Variants in CDC42BPA observed in about 807,000 individuals in gnomAD.
The protein encoded by CDC42BPA is CDC42 binding protein kinase alpha, also known as serine/threonine-protein kinase MRCK alpha.
In CDC42BPA, 80 loss-of-function variants were observed where a neutral mutation model predicts 223.5. The ratio of observed to expected loss-of-function variants is 0.36; its 90% CI spans 0.30 to 0.43. CDC42BPA has a LOEUF of 0.43. CDC42BPA is among the 20% of genes least tolerant of loss of function. The pLI is 1.00. For synonymous variants in CDC42BPA, 694 were observed against 718.6 expected, an observed-to-expected ratio of 0.97 and a Z score of 0.55; for missense variants, 1,743 against 2,099.9, an observed-to-expected ratio of 0.83 and a Z score of 3.32.
intron 1 of CDC42BPA, among the ~76,000 whole-genome samples, chr1:227,292,750 A>T (rs2148664778): frequency 6.6e-6 from 1 of 152,306 alleles, no homozygotes. Context: ...CCTACCTTCC[A>T]CAACTATACA....
At chr1:227,095,353 C>A (rs961422158) in intron 15 of CDC42BPA, among the ~76,000 whole-genome samples, 7 of 151,982 alleles carry the variant, frequency 4.6e-5, no homozygotes, top group African/African-American at 1.7e-4. Flanking sequence ...AAAATGATTC[C>A]TTGTTCTCAA....
intron 6 of CDC42BPA, among the ~76,000 whole-genome samples, chr1:227,151,787 C>G (rs2149724460): frequency 6.8e-6 from 1 of 147,492 alleles, no homozygotes; most frequent in African/African-American, 2.5e-5. Context: ...ATTTAAGTTC[C>G]TTGTCCCAGC....
At chr1:227,019,594 ATG>A (rs553350421) in intron 32 of CDC42BPA, among the ~76,000 whole-genome samples, 46 of 152,332 alleles carry the variant, frequency 3.0e-4, no homozygotes, top group African/African-American at 1.1e-3. Flanking sequence ...GCCTTATGAA[ATG>A]TGTTTCTTAA....
At chr1:227,175,989 T>C (rs561995256) in intron 5 of CDC42BPA, among the ~76,000 whole-genome samples, 4 of 152,280 alleles carry the variant, frequency 2.6e-5, no homozygotes, top group African/African-American at 9.6e-5. Context: ...CTGCAGAAGT[T>C]CATACTGACA....
intron 1 of CDC42BPA, among the ~76,000 whole-genome samples, chr1:227,299,502 T>TA (rs1558988536): frequency 6.6e-6 from 1 of 152,202 alleles, no homozygotes; most frequent in African/African-American, 2.4e-5. Flanking sequence ...TAAACTGTCA[T>TA]AAATATTTCA....
In CDC42BPA at chr1:227,139,618, G is replaced by A. The variant is rs1326482468; in HGVS notation, c.1348C>T (p.Arg450Cys). The part of the protein sequence containing the change: ...ATEAYERRIK[R>C]LEQEKLELSR... The stretch of plus-strand genomic sequence containing the variant: ...AGTTCAAGTTTTTCTTGCTCAAGGC[G>A]CTTAATTCTTCTTTCATAAGCTTCA... Residue 450 changes from arginine to cysteine, a missense_variant, in exon 10 of 37, where the codon CGC becomes TGC. Arg to Cys is a radical substitution (Grantham distance 180, BLOSUM62 -3). This residue lies in a region of CDC42BPA where 464 missense variants were observed against 488.0 expected (regional missense o/e 0.95). Transcript: ENST00000366766. The A allele has an allele frequency of 4.4e-6, 7 of 1,607,682 alleles. No individual in the cohort carries two copies. Among genetic ancestry groups the A allele is most frequent in the Non-Finnish European group, 5.9e-6 (7 of 1,177,726 alleles).
intron 1 of CDC42BPA, among the ~76,000 whole-genome samples, chr1:227,305,120 G>T (rs151174447): frequency 2.6e-5 from 4 of 152,288 alleles, no homozygotes; most frequent in African/African-American, 9.6e-5. Context: ...TTAGGTAGAA[G>T]AATGCAGAAA....
At chr1:227,268,769 T>A (rs1685497671) in intron 1 of CDC42BPA, among the ~76,000 whole-genome samples, 1 of 151,462 alleles carries the variant, frequency 6.6e-6, no homozygotes, top group Non-Finnish European at 1.5e-5. Context: ...CACTGCAGCC[T>A]CAACCTCCTG....
At position 227,035,499 on chromosome 1, in the gene CDC42BPA, A is replaced by C. The variant is rs200344808; in HGVS notation, c.3308T>G (p.Ile1103Arg). Residue 1103 changes from isoleucine (I) to arginine (R), a missense_variant, in exon 25 of 37, where the codon ATA becomes AGA. Physicochemically the swap from Ile to Arg is moderately conservative, Grantham distance 97. This residue lies in a region of CDC42BPA where 678 missense variants were observed against 777.5 expected (regional missense o/e 0.87). Coordinates refer to ENST00000366766, the MANE Select transcript of CDC42BPA (RefSeq NM_001394014.1). Reference sequence around the variant, plus strand: ...GACATGACCTTCATATGCTGTTCCTATTCCTTTCTGAGGATCTATACCCAG... The same window carrying C: ...GACATGACCTTCATATGCTGTTCCTCTTCCTTTCTGAGGATCTATACCCAG... ...GPLGIDPQKG[I>R]GTAYEGHVRI... The C allele has an allele frequency of 6.2e-7, 1 of 1,610,904 alleles. No individual in the cohort carries two copies. The highest frequency in any genetic ancestry group is 1.3e-5 in the African/African-American group (1 of 74,784).
intron 3 of CDC42BPA, among the ~76,000 whole-genome samples, chr1:227,202,097 C>T (rs1259224565): frequency 6.6e-6 from 1 of 152,196 alleles, no homozygotes; most frequent in Non-Finnish European, 1.5e-5. Context: ...ATTCTCCTGC[C>T]TTAGCCTCCT....
chr1:227,117,270 C>T (rs526290), intron 12 of CDC42BPA, among the ~76,000 whole-genome samples: 43,121 of 151,972 alleles, frequency 0.28, 6,328 homozygotes, highest in African/African-American at 0.35. Flanking sequence ...AACTTAAAGA[C>T]AATATTGTAA....
intron 17 of CDC42BPA, 103 bp downstream of exon 17, chr1:227,080,790 G>T: frequency 7.7e-7 from 1 of 1,296,104 alleles, no homozygotes; most frequent in Non-Finnish European, 1.1e-6. Context: ...TATCACATCT[G>T]ACAAATGAGA....
intron 1 of CDC42BPA, among the ~76,000 whole-genome samples, chr1:227,285,896 G>A (rs1196698426): frequency 6.6e-6 from 1 of 152,132 alleles, no homozygotes; most frequent in Non-Finnish European, 1.5e-5. Flanking sequence ...TCCAGCTGGA[G>A]TCAGAGAGAA....
chr1:227,028,235 A>G (rs988562236), intron 30 of CDC42BPA, among the ~76,000 whole-genome samples: 4 of 152,180 alleles, frequency 2.6e-5, no homozygotes, highest in African/African-American at 9.6e-5. Context: ...CTGAAAAAAC[A>G]CCTCTTATAG....
At position 227,147,331 on chromosome 1, in the gene CDC42BPA, A is replaced by G. The variant is rs529791154; in HGVS notation, c.894+28T>C. On this transcript the variant is annotated intron_variant, in intron 7 of 36. Coordinates refer to ENST00000366766, the MANE Select transcript of CDC42BPA (RefSeq NM_001394014.1). ...TATTATATGTGTTATTTACCACATT[A>G]ATTTGAACAAAAGTAAAACATACTA... 4 of 1,534,932 alleles carry G rather than the reference A, an allele frequency of 2.6e-6. No homozygotes were observed. In the South Asian group the frequency reaches 4.7e-5, roughly 18 times the overall value.
chr1:227,249,272 A>G (rs181326010), intron 2 of CDC42BPA, among the ~76,000 whole-genome samples: 9 of 152,340 alleles, frequency 5.9e-5, no homozygotes, highest in African/African-American at 1.4e-4. Context: ...ACCTTACATA[A>G]AAAACAAATC....
At chr1:227,147,790 C>T (rs1266992334) in intron 6 of CDC42BPA, among the ~76,000 whole-genome samples, 2 of 151,916 alleles carry the variant, frequency 1.3e-5, no homozygotes, top group South Asian at 2.1e-4. Context: ...TAACTGATGA[C>T]ATTGAGAGGA....
intron 10 of CDC42BPA, among the ~76,000 whole-genome samples, chr1:227,136,202 G>C (rs1421521853): frequency 6.6e-6 from 1 of 152,146 alleles, no homozygotes. Flanking sequence ...CTGAAACTGA[G>C]AGAATCAAAT....
intron 17 of CDC42BPA, among the ~76,000 whole-genome samples, chr1:227,079,723 G>GA (rs1680234490): frequency 6.6e-6 from 1 of 151,812 alleles, no homozygotes; most frequent in African/African-American, 2.4e-5. Flanking sequence ...GCTCTTAATG[G>GA]AAAAACATTT....
Sources: gnomAD v4.1 joint callset for allele counts (sites outside exome capture counted in the v4.1 genomes callset) on GRCh38, gnomAD v4.1.1 for gene constraint, gnomAD v4.1.1 regional missense constraint, MANE v1.5 for transcripts, NCBI Gene and HGNC (gene_info 2026-07-23, HGNC 2026-07-21) for gene names.